C20orf203: variants seen among roughly 807,000 people sequenced by gnomAD.
The protein encoded by C20orf203 is chromosome 20 open reading frame 203, also known as uncharacterized protein C20orf203.
C20orf203 carries 16 observed loss-of-function variants against 15.9 expected under a neutral mutation model. The ratio of observed to expected loss-of-function variants is 1.01; its 90% confidence interval spans 0.68 to 1.53. C20orf203 has a LOEUF of 1.53. Among genes scored for constraint, C20orf203 ranks in the 40% most tolerant of loss-of-function variants. The pLI is 0.00. For missense variants in C20orf203, 263 were observed against 247.5 expected (o/e 1.06, Z -0.42); for synonymous variants, 98 against 97.2 (o/e 1.01, Z -0.05).
At chr20:32,641,619 C>A (rs1034570660) in intron 4 of C20orf203, among the ~76,000 whole-genome samples, 2 of 152,176 alleles carry the variant, frequency 1.3e-5, no homozygotes, top group African/African-American at 4.8e-5. Context: ...TCTATATCCT[C>A]ACCAACACTT....
chr20:32,643,537 T>C (rs972858627), intron 4 of C20orf203, among the ~76,000 whole-genome samples: 1 of 151,958 alleles, frequency 6.6e-6, no homozygotes, highest in Non-Finnish European at 1.5e-5. Context: ...CATGGACTTC[T>C]AACTCACGGG....
At chr20:32,634,840 T>C (rs1341168238) in intron 5 of C20orf203, among the ~76,000 whole-genome samples, 1 of 152,120 alleles carries the variant, frequency 6.6e-6, no homozygotes, top group Non-Finnish European at 1.5e-5. Context: ...TAGGAAGAAA[T>C]GTGTCAAATG....
intron 1 of C20orf203, among the ~76,000 whole-genome samples, chr20:32,654,009 C>G (rs1036372634): frequency 1.3e-5 from 2 of 151,398 alleles, no homozygotes; most frequent in African/African-American, 4.9e-5. Flanking sequence ...ACAAGAATTG[C>G]TTGAACTTGG....
At chr20:32,648,428 CTTTTTTTTTTTTTTT>C (rs56838832) in intron 4 of C20orf203, among the ~76,000 whole-genome samples, 20 of 80,392 alleles carry the variant, frequency 2.5e-4, no homozygotes, top group African/African-American at 4.9e-4. Flanking sequence ...CTGAAACTGT[CTTTTTTTTTTTTTTT>C]TTTTTTTTTT....
At chr20:32,643,625 CCACACACACA>C (rs56325748) in intron 4 of C20orf203, among the ~76,000 whole-genome samples, 3,174 of 140,810 alleles carry the variant, frequency 0.023, 96 homozygotes, top group African/African-American at 0.063. Flanking sequence ...CTTCCTGGAA[CCACACACACA>C]CACACACACA....
Position 32,634,210 on chromosome 20 carries a change from G to T in C20orf203, c.*1360C>A, listed in dbSNP as rs182041676. The T allele has an allele frequency of 3.3e-5, 13 of 398,536 alleles. No homozygotes were observed. The highest frequency in any genetic ancestry group is 2.1e-4 in the African/African-American group (10 of 48,730). The allele number at this position is 398,536 out of a possible 1,614,324, so 24.7% of individuals were successfully genotyped here. A position where few individuals can be genotyped will look rare whatever the true frequency, so the allele number is the denominator to read the frequency against. ...CTGCTGGGGCTTGAGTTCAGGGGTT[G>T]GGGGGAGGTTCCTAGCCTGGGGGCT... On this transcript the variant is annotated 3_prime_UTR_variant, in exon 6 of 6. Coordinates refer to ENST00000608990, the MANE Select transcript of C20orf203 (RefSeq NM_182584.4).
intron 1 of C20orf203, among the ~76,000 whole-genome samples, chr20:32,671,971 GTCT>G (rs1568757851): frequency 6.6e-6 from 1 of 151,934 alleles, no homozygotes; most frequent in African/African-American, 2.4e-5. Context: ...ATGTCCGGAG[GTCT>G]TCTGCACAAC....
In C20orf203 at chr20:32,651,089, T is replaced by C. The variant is rs1418704137; in HGVS notation, c.64A>G (p.Met22Val). The change falls in exon 3 of 6, where the codon ATG (methionine) becomes GTG (valine). Residue 22 changes from methionine (M) to valine (V), a missense_variant. Coordinates refer to ENST00000608990, the MANE Select transcript of C20orf203 (RefSeq NM_182584.4). ...QAILLPQPPN[M>V]LDHRQWPPRL... ...GGTGGCCACTGCCTGTGATCCAGCA[T>C]GTTGGGAGGCTGAGGCAGGAGAATC... The C allele has an allele frequency of 6.7e-7, 1 of 1,501,700 alleles. No individual in the cohort carries two copies. Among genetic ancestry groups the C allele is most frequent in the South Asian group, 1.2e-5 (1 of 80,324 alleles). The allele number at this position is 1,501,700 out of a possible 1,614,324, so 93.0% of individuals were successfully genotyped here.
At chr20:32,662,894 A>AAAC (rs1555817793) in intron 1 of C20orf203, among the ~76,000 whole-genome samples, 2 of 150,284 alleles carry the variant, frequency 1.3e-5, no homozygotes, top group African/African-American at 4.9e-5. Context: ...TAAAAAAAAA[A>AAAC]AAAAAACAAG....
At chr20:32,647,211 A>G (rs1463303907) in intron 4 of C20orf203, among the ~76,000 whole-genome samples, 1 of 152,078 alleles carries the variant, frequency 6.6e-6, no homozygotes, top group East Asian at 1.9e-4. Context: ...TCTGGCCAAC[A>G]TGGTGAAACC....
At chr20:32,667,218 T>G (rs1308971805) in intron 1 of C20orf203, among the ~76,000 whole-genome samples, 1 of 152,104 alleles carries the variant, frequency 6.6e-6, no homozygotes, top group Non-Finnish European at 1.5e-5. Flanking sequence ...ACCTGGGATT[T>G]TATTCCAAGA....
rs930229986 is a variant in C20orf203 at position 32,649,306 on chromosome 20, G to C, written c.*1126C>G. The C allele has an allele frequency of 2.6e-5, 4 of 152,460 alleles. No homozygotes were observed. Among genetic ancestry groups the C allele is most frequent in the African/African-American group, 7.2e-5 (3 of 41,486 alleles). 9.4% of individuals were successfully genotyped at this position (152,460 alleles called of 1,614,324 possible). A position where few individuals can be genotyped will look rare whatever the true frequency, so the allele number is the denominator to read the frequency against. On this transcript the variant is annotated 3_prime_UTR_variant, in exon 4 of 6. Transcript: ENST00000608990. ...TTGAGCCTGAGAGGTGGAGCCTGCT[G>C]TGAGCTGTGATTGCACCACTGCACT...
chr20:32,669,658 A>G (rs539719736), intron 1 of C20orf203, among the ~76,000 whole-genome samples: 1 of 152,302 alleles, frequency 6.6e-6, no homozygotes, highest in Non-Finnish European at 1.5e-5. Context: ...ACAAAAATCA[A>G]CTCAAAATGG....
chr20:32,644,987 A>C (rs1216890515), intron 4 of C20orf203, among the ~76,000 whole-genome samples: 4 of 151,986 alleles, frequency 2.6e-5, no homozygotes, highest in Non-Finnish European at 5.9e-5. Context: ...CGCCAGCCCC[A>C]GTGCCACCAC....
rs1982037238 is a variant in C20orf203 at position 32,632,839 on chromosome 20, A to C, written c.*2731T>G. ...TTAGTCTGTTCTCACGCTGCTGTGA[A>C]GAAATGCCCGAGACTGGGGTAATTT... On this transcript the variant is annotated 3_prime_UTR_variant, in exon 6 of 6. Coordinates refer to ENST00000608990, the MANE Select transcript of C20orf203 (RefSeq NM_182584.4). 1 of 152,268 alleles carries C rather than the reference A, an allele frequency of 6.6e-6. No individual in the cohort carries two copies. The highest frequency in any genetic ancestry group is 1.5e-5 in the Non-Finnish European group (1 of 68,106). 9.4% of individuals were successfully genotyped at this position (152,268 alleles called of 1,614,324 possible). A position where few individuals can be genotyped will look rare whatever the true frequency, so the allele number is the denominator to read the frequency against.
Position 32,650,713 on chromosome 20 carries a change from C to G in C20orf203, c.304G>C (p.Glu102Gln). 6.5e-7 allele frequency: 1 copy of G among 1,547,024 alleles called. No homozygotes were observed. Among genetic ancestry groups the G allele is most frequent in the African/African-American group, 1.4e-5 (1 of 73,094 alleles). ...AGGCCTCCAACTTCCCCCCACCCCT[C>G]CCCACCAACCCAAATCCTTTCCTGA... ...PYQERIWVGG[E>Q]GWGEVGGLRL... Residue 102 changes from glutamate to glutamine, a missense_variant, in exon 4 of 6, where the codon GAG (glutamate) becomes CAG (glutamine). Coordinates refer to ENST00000608990, the MANE Select transcript of C20orf203 (RefSeq NM_182584.4).
intron 5 of C20orf203, among the ~76,000 whole-genome samples, chr20:32,637,724 T>C (rs1371007731): frequency 6.6e-6 from 1 of 152,246 alleles, no homozygotes; most frequent in African/African-American, 2.4e-5. Context: ...CTTAGAATAA[T>C]AGGTGTTCAG....
At chr20:32,637,916 CTG>C (rs1197633568) in intron 5 of C20orf203, among the ~76,000 whole-genome samples, 2 of 151,546 alleles carry the variant, frequency 1.3e-5, no homozygotes, top group Admixed American at 6.6e-5. Context: ...GTGTGTGTGC[CTG>C]TGTTTGTGTG....
chr20:32,670,071 G>A (rs1472877559), intron 1 of C20orf203, among the ~76,000 whole-genome samples: 5 of 152,138 alleles, frequency 3.3e-5, no homozygotes, highest in African/African-American at 9.7e-5. Context: ...GCATGGTGGC[G>A]TGTGCCTGTA....
Sources: allele counts gnomAD v4.1 joint callset (sites outside exome capture counted in the v4.1 genomes callset), GRCh38; gene constraint gnomAD v4.1.1; transcripts MANE v1.5; gene names NCBI Gene and HGNC (gene_info 2026-07-23, HGNC 2026-07-21).